The following NCAM2 variants were observed in gnomAD, a reference collection of about 807,000 sequenced individuals.
NCAM2 encodes the protein N-CAM-2.
A neutral mutation model predicts 98.1 loss-of-function variants in NCAM2; 30 were observed. The observed-to-expected ratio is 0.31, with a 90% CI of 0.23 to 0.41. NCAM2 has a LOEUF of 0.41. Ranked by LOEUF, NCAM2 falls within the 10% of genes least tolerant of loss-of-function variation. The pLI, the probability that NCAM2 is intolerant of heterozygous loss-of-function variation, is 1.00. For synonymous variants in NCAM2, 368 were observed against 342.4 expected (o/e 1.07, Z -0.83); for missense variants, 867 against 1,005.8 (o/e 0.86, Z 1.87).
rs34109924 is a variant in NCAM2, at chr21:21,419,305, CTTTTTTTTTT to C, written c.1480+748_1480+757del. Among the ~76,000 whole-genome samples, 3 of 99,930 alleles carry C rather than the reference CTTTTTTTTTT, an allele frequency of 3.0e-5. No individual in the cohort carries two copies. The East Asian group carries it at 8.6e-4, about 28-fold the overall frequency. 65.6% of individuals were successfully genotyped at this position (99,930 alleles called of 152,430 possible). A position where few individuals can be genotyped will look rare whatever the true frequency, so the allele number is the denominator to read the frequency against. The stretch of plus-strand genomic sequence containing the variant: ...AGATATTTGTGAAAGAAATAGGGAA[CTTTTTTTTTT>C]TTTTTTTTTTTGGATGTTAGGAACG... On this transcript the variant is annotated intron_variant, in intron 11 of 17. Transcript: ENST00000400546.
intron 9 of NCAM2, among the ~76,000 whole-genome samples, chr21:21,386,145 CA>C (rs75156615): frequency 0.018 from 2,689 of 152,170 alleles, 75 homozygotes; most frequent in East Asian, 0.14. Context: ...ATTCTTATCT[CA>C]AATTCTCTGA....
chr21:21,515,906 TA>T (rs1297829124), intron 16 of NCAM2, among the ~76,000 whole-genome samples: 2 of 152,174 alleles, frequency 1.3e-5, no homozygotes, highest in Non-Finnish European at 2.9e-5. Context: ...ATTCCTTGCC[TA>T]TAAAAATAGA....
intron 1 of NCAM2, among the ~76,000 whole-genome samples, chr21:21,111,370 G>A (rs1216865596): frequency 6.6e-6 from 1 of 152,198 alleles, no homozygotes; most frequent in African/African-American, 2.4e-5. Context: ...TATGGGATTG[G>A]TTTTGAGCCC....
intron 5 of NCAM2, among the ~76,000 whole-genome samples, chr21:21,306,255 C>G (rs924598013): frequency 6.6e-6 from 1 of 152,086 alleles, no homozygotes; most frequent in Non-Finnish European, 1.5e-5. Flanking sequence ...CCTACTTGCT[C>G]TATTAGTTAT....
chr21:21,490,792 CTTG>C (rs921321233), intron 15 of NCAM2, among the ~76,000 whole-genome samples: 1 of 151,546 alleles, frequency 6.6e-6, no homozygotes, highest in Non-Finnish European at 1.5e-5. Context: ...TTCATCATAG[CTTG>C]TTTTCTTGAA....
At chr21:21,168,581 G>T (rs112968721) in intron 1 of NCAM2, among the ~76,000 whole-genome samples, 3,784 of 152,170 alleles carry the variant, frequency 0.025, 172 homozygotes, top group African/African-American at 0.086. Context: ...AAGCTTTCTA[G>T]AATTAATAAG....
intron 12 of NCAM2, among the ~76,000 whole-genome samples, chr21:21,457,423 T>A (rs1982313701): frequency 6.6e-6 from 1 of 152,118 alleles, no homozygotes; most frequent in Non-Finnish European, 1.5e-5. Context: ...GGGCAGATCA[T>A]GAGGTCCGGA....
chr21:21,264,772 A>G (rs895213624), intron 1 of NCAM2, among the ~76,000 whole-genome samples: 14 of 124,282 alleles, frequency 1.1e-4, no homozygotes, highest in Admixed American at 3.2e-4. Flanking sequence ...ATATTCCACT[A>G]TATATATACA....
intron 17 of NCAM2, among the ~76,000 whole-genome samples, chr21:21,537,256 A>T (rs76958722): frequency 6.6e-6 from 1 of 151,846 alleles, no homozygotes; most frequent in Non-Finnish European, 1.5e-5. Flanking sequence ...CGTTTTGGCC[A>T]GGCTGGTCTT....
chr21:21,048,028 T>C (rs1233107216), intron 1 of NCAM2, among the ~76,000 whole-genome samples: 1 of 152,200 alleles, frequency 6.6e-6, no homozygotes, highest in African/African-American at 2.4e-5. Flanking sequence ...GTGGGAAAAA[T>C]CCACATTCTA....
chr21:21,288,564 G>A (rs2147547375), intron 4 of NCAM2, among the ~76,000 whole-genome samples: 1 of 151,714 alleles, frequency 6.6e-6, no homozygotes, highest in Admixed American at 6.6e-5. Context: ...AAGTATTCAA[G>A]TAAATTATCA....
chr21:21,063,523 G>A (rs542262345), intron 1 of NCAM2, among the ~76,000 whole-genome samples: 3 of 151,926 alleles, frequency 2.0e-5, no homozygotes, highest in East Asian at 1.9e-4. Context: ...GCCTGGACAC[G>A]TTACATTCTT....
intron 15 of NCAM2, among the ~76,000 whole-genome samples, chr21:21,487,653 T>C (rs1384829472): frequency 3.9e-5 from 6 of 152,168 alleles, no homozygotes; most frequent in Admixed American, 6.5e-5. Context: ...TTTTAAAATA[T>C]AGATCTGGAT....
At chr21:21,338,617 C>A in intron 8 of NCAM2, 83 bp downstream of exon 8, 2 of 1,290,940 alleles carry the variant, frequency 1.5e-6, no homozygotes, top group Non-Finnish European at 2.1e-6. Context: ...AATTAGTCTC[C>A]AATTTACCTA....
intron 1 of NCAM2, among the ~76,000 whole-genome samples, chr21:21,065,472 G>A (rs1344415072): frequency 3.9e-5 from 6 of 152,104 alleles, no homozygotes; most frequent in Non-Finnish European, 8.8e-5. Flanking sequence ...CACAGTCTAA[G>A]CATCATAAAC....
At chr21:21,207,014 C>A (rs2069461401) in intron 1 of NCAM2, among the ~76,000 whole-genome samples, 2 of 152,024 alleles carry the variant, frequency 1.3e-5, no homozygotes, top group Non-Finnish European at 2.9e-5. Flanking sequence ...AAGCCAAAAC[C>A]ACATCCGTTC....
intron 1 of NCAM2, among the ~76,000 whole-genome samples, chr21:21,084,354 A>G (rs974752071): frequency 6.6e-6 from 1 of 152,156 alleles, no homozygotes; most frequent in African/African-American, 2.4e-5. Flanking sequence ...ATCTGTTTAG[A>G]TTCCTGTTAA....
chr21:21,271,290 A>G (rs1019521686), intron 1 of NCAM2, among the ~76,000 whole-genome samples: 1 of 152,202 alleles, frequency 6.6e-6, no homozygotes, highest in Non-Finnish European at 1.5e-5. Flanking sequence ...TGCTGGGTTT[A>G]TAGACTAAGA....
intron 15 of NCAM2, among the ~76,000 whole-genome samples, chr21:21,505,191 T>C (rs1987905404): frequency 6.6e-6 from 1 of 152,066 alleles, no homozygotes; most frequent in South Asian, 2.1e-4. Flanking sequence ...ATTTTAGCAA[T>C]TCTTCACCAT....
Sources: gnomAD v4.1 joint callset for allele counts (sites outside exome capture counted in the v4.1 genomes callset) on GRCh38, gnomAD v4.1.1 for gene constraint, MANE v1.5 for transcripts, NCBI Gene and HGNC (gene_info 2026-07-23, HGNC 2026-07-21) for gene names.